KRT8: variants seen among roughly 807,000 people sequenced by gnomAD.
KRT8 encodes the protein keratin, type II cytoskeletal 8.
KRT8 carries 24 observed loss-of-function variants against 43.0 expected under a neutral mutation model. That is an observed-to-expected ratio of 0.56 (90% CI 0.40 to 0.78). The LOEUF (loss-of-function observed/expected upper bound fraction) is 0.78. Among genes scored for constraint, KRT8 ranks in the 30% least tolerant of loss-of-function variants. The pLI is 0.00. For missense variants in KRT8, 492 were observed against 638.4 expected (o/e 0.77, Z 2.47); for synonymous variants, 214 against 261.2 (o/e 0.82, Z 1.74).
chr12:52,932,908 A>G (rs896538865), intron 2 of KRT8, among the ~76,000 whole-genome samples: 3 of 152,142 alleles, frequency 2.0e-5, no homozygotes, highest in Admixed American at 1.3e-4. Flanking sequence ...ATGATAAGTG[A>G]TCAATACACA....
chr12:52,908,956 G>A (rs915348638), upstream of KRT8, among the ~76,000 whole-genome samples: 1 of 152,222 alleles, frequency 6.6e-6, no homozygotes, highest in Non-Finnish European at 1.5e-5. Flanking sequence ...CATGCATTGA[G>A]CCAAGACTGT....
intron 2 of KRT8, chr12:52,926,331 TGCCC>T: frequency 1.6e-5 from 11 of 701,148 alleles, no homozygotes; most frequent in East Asian, 2.9e-5. Context: ...TGGCACTAGC[TGCCC>T]TCCCCACCCC....
chr12:52,907,052 C>A (rs1420318099), upstream of KRT8: 1 of 250,392 alleles, frequency 4.0e-6, no homozygotes, highest in South Asian at 4.4e-5. Context: ...ATGCATAGAT[C>A]CCAAGAGCGG....
At position 52,901,848 on chromosome 12, in the gene KRT8, G is replaced by A. The variant is rs1291131214; in HGVS notation, c.533+16C>T. 3.2e-6 allele frequency: 5 copies of A among 1,577,598 alleles called. No individual in the cohort carries two copies. Among genetic ancestry groups the A allele is most frequent in the African/African-American group, 2.7e-5 (2 of 74,132 alleles). Reference sequence around the variant, plus strand: ...GCACGGTGACTTCAGTTGGGTGGAGGGTGGGAGTTGCTCACTTGTTCTTGA... The same window carrying A: ...GCACGGTGACTTCAGTTGGGTGGAGAGTGGGAGTTGCTCACTTGTTCTTGA... On this transcript the variant is annotated intron_variant, in intron 2 of 7. Coordinates refer to ENST00000692008, the Ensembl canonical transcript of KRT8.
intron 2 of KRT8, among the ~76,000 whole-genome samples, chr12:52,914,020 C>G (rs1386868604): frequency 6.6e-6 from 1 of 152,188 alleles, no homozygotes; most frequent in Non-Finnish European, 1.5e-5. Flanking sequence ...GTCAGGAGAT[C>G]AAGACCAGCC....
chr12:52,922,093 T>C (rs1383352734), intron 2 of KRT8, among the ~76,000 whole-genome samples: 1 of 142,022 alleles, frequency 7.0e-6, no homozygotes, highest in Non-Finnish European at 1.5e-5. Context: ...AGCAAGAGGA[T>C]AACTGGAGCC....
At position 52,897,192 on chromosome 12, in the gene KRT8, T is replaced by C. The variant is rs1372968730; in HGVS notation, c.*236A>G. 6.7e-6 allele frequency: 4 copies of C among 601,154 alleles called. No homozygotes were observed. The African/African-American group carries it at 7.3e-5, about 11-fold the overall frequency. 37.2% of individuals were successfully genotyped at this position (601,154 alleles called of 1,614,324 possible). ...CAGATGCACACACAAGCAAGGACAT[T>C]GGCAGAGCTAGCTGAGGTTTTATTT... On this transcript the variant is annotated 3_prime_UTR_variant, in exon 8 of 8. Transcript: ENST00000692008.
chr12:52,908,312 G>A (rs893051025), upstream of KRT8, among the ~76,000 whole-genome samples: 7 of 152,024 alleles, frequency 4.6e-5, no homozygotes, highest in African/African-American at 1.4e-4. Flanking sequence ...TGCAAGCTCC[G>A]CCTCCCGGGA....
intron 2 of KRT8, among the ~76,000 whole-genome samples, chr12:52,929,864 C>G (rs572854941): frequency 6.6e-6 from 1 of 152,174 alleles, no homozygotes; most frequent in Non-Finnish European, 1.5e-5. Context: ...AGACTCTCCT[C>G]GGAGCTACAG....
chr12:52,902,733 C>T (rs961012193), intron 1 of KRT8, among the ~76,000 whole-genome samples: 7 of 151,458 alleles, frequency 4.6e-5, no homozygotes, highest in Middle Eastern at 3.4e-3. Context: ...AAAAAGAGGC[C>T]GGGCGTGGAG....
At chr12:52,918,223 G>GAAGAAGAAGAAGAAGAAC (rs1941811874) in intron 2 of KRT8, among the ~76,000 whole-genome samples, 1 of 150,746 alleles carries the variant, frequency 6.6e-6, no homozygotes, top group African/African-American at 2.4e-5. Flanking sequence ...AGAAGAAGAA[G>GAAGAAGAAGAAGAAGAAC]AAGAAGAAGA....
At chr12:52,949,833 T>C (rs1311541257) in exon 1 of KRT8, 1 of 702,760 alleles carries the variant, frequency 1.4e-6, no homozygotes, top group Non-Finnish European at 2.6e-6. Flanking sequence ...ACAGAGGAAG[T>C]GGACAGCATG....
chr12:52,926,333 C>CCCA, intron 2 of KRT8: 1 of 465,318 alleles, frequency 2.1e-6, no homozygotes, highest in African/African-American at 2.0e-5. Flanking sequence ...GCACTAGCTG[C>CCCA]CCTCCCCACC....
intron 2 of KRT8, among the ~76,000 whole-genome samples, chr12:52,912,835 G>A (rs956816160): frequency 6.6e-6 from 1 of 152,232 alleles, no homozygotes; most frequent in African/African-American, 2.4e-5. Flanking sequence ...CAGGGGCTGT[G>A]GACACTCAGA....
chr12:52,901,180 G>C, exon 3 of KRT8: 1 of 1,611,708 alleles, frequency 6.2e-7, no homozygotes, highest in Non-Finnish European at 8.5e-7. Context: ...GGACAAATTC[G>C]TTCTCCATCT....
chr12:52,902,237 G>A, intron 1 of KRT8, 165 bp from the exon 2 acceptor site: 1 of 625,996 alleles, frequency 1.6e-6, no homozygotes, highest in East Asian at 2.7e-5. Context: ...ACCAGGGGGA[G>A]AAAGCATGGC....
intron 2 of KRT8, among the ~76,000 whole-genome samples, chr12:52,924,217 G>C (rs1175593902): frequency 6.6e-6 from 1 of 152,092 alleles, no homozygotes; most frequent in Non-Finnish European, 1.5e-5. Flanking sequence ...GGGAGGCTGA[G>C]GCAGACAGAT....
At chr12:52,901,270 C>T in intron 2 of KRT8, 51 bp from the exon 3 acceptor site, 1 of 1,364,870 alleles carries the variant, frequency 7.3e-7, no homozygotes, top group South Asian at 1.2e-5. Context: ...GGGAGGTTGC[C>T]CTTGGTCTTT....
rs143595810 is a variant in KRT8 at position 52,927,388 on chromosome 12, G to T, written c.-47+22068C>A. On this transcript the variant is annotated intron_variant, in intron 2 of 6. Coordinates refer to the KRT8 transcript ENST00000546826. ...ACCCTTGGGCCTCCCCTGGGGAAAG[G>T]GTGGGGAGCCTGGACACTTGGAATT... Among the ~76,000 whole-genome samples, 769 of 152,342 alleles carry T rather than the reference G, an allele frequency of 5.0e-3. 7 individuals carry two copies. Among genetic ancestry groups the T allele is most frequent in the African/African-American group, 0.017 (714 of 41,576 alleles).
Sources: allele counts gnomAD v4.1 joint callset (sites outside exome capture counted in the v4.1 genomes callset), GRCh38; gene constraint gnomAD v4.1.1; transcripts MANE v1.5; gene names NCBI Gene and HGNC (gene_info 2026-07-23, HGNC 2026-07-21).